The following PCDHA13 variants were observed in gnomAD, a reference collection of about 807,000 sequenced individuals.
PCDHA13 encodes protocadherin alpha 13, also known as protocadherin alpha-13.
In PCDHA13, 54 loss-of-function variants were observed where a neutral mutation model predicts 64.8. The observed-to-expected ratio is 0.83, with a 90% CI of 0.67 to 1.04. The LOEUF (loss-of-function observed/expected upper bound fraction) is 1.04, where lower values mean the gene tolerates loss of function less well. Ranked by LOEUF, PCDHA13 falls within the 50% of genes least tolerant of loss-of-function variation. PCDHA13 has a pLI of 0.00. For synonymous variants in PCDHA13, 587 were observed against 564.4 expected (o/e 1.04, Z -0.57); for missense variants, 1,248 against 1,254.3 (o/e 0.99, Z 0.08).
At chr5:140,958,367 T>C (rs1029042656) in intron 1 of PCDHA13, among the ~76,000 whole-genome samples, 2 of 152,166 alleles carry the variant, frequency 1.3e-5, no homozygotes, top group Admixed American at 6.5e-5. Context: ...TTATCAGGAA[T>C]GTTGCTATTT....
At chr5:141,003,081 T>C (rs2098110268) in intron 3 of PCDHA13, among the ~76,000 whole-genome samples, 1 of 152,238 alleles carries the variant, frequency 6.6e-6, no homozygotes, top group Admixed American at 6.5e-5. Context: ...AGGGTGAGTT[T>C]AACAGGCCTG....
rs2059578130 is a variant in PCDHA13 at position 140,883,371 on chromosome 5, T to C, written c.1103T>C (p.Ile368Thr). 1.2e-6 allele frequency: 2 copies of C among 1,614,152 alleles called. No homozygotes were observed. The highest frequency in any genetic ancestry group is 4.5e-5 in the East Asian group (2 of 44,878). ...AGAGAAGACACTCAGCCTAGCGCCA[T>C]TATTGCCCTAATCAGTGTGTCCGAT... Reference protein sequence around the residue: ...PIREDTQPSAIIALISVSDRD... With the variant: ...PIREDTQPSATIALISVSDRD... Residue 368 changes from isoleucine to threonine, a missense_variant, in exon 1 of 4, where the codon ATT (isoleucine) becomes ACT (threonine). By Grantham distance (89) the Ile-to-Thr change is moderately conservative. Coordinates refer to ENST00000289272, the MANE Select transcript of PCDHA13 (RefSeq NM_018904.3).
rs1333362831 is a variant in PCDHA13 at position 140,976,454 on chromosome 5, GGAA to G, written c.2395-2488_2395-2486del. Among the ~76,000 whole-genome samples, 4 of 152,214 alleles carry G rather than the reference GGAA, an allele frequency of 2.6e-5. No individual in the cohort carries two copies. The East Asian group carries it at 7.7e-4, about 29-fold the overall frequency. On this transcript the variant is annotated intron_variant, in intron 1 of 3. Transcript: ENST00000289272. Reference sequence around the variant, plus strand: ...TAATCCCAGCTACTAGGGAGGCTGGGGAAGAAGAATTGCTTGAATCCGGGAGGC... The same window carrying G: ...TAATCCCAGCTACTAGGGAGGCTGGGGAAGAATTGCTTGAATCCGGGAGGC...
Position 140,993,289 on chromosome 5 carries a change from C to T in PCDHA13, c.2542+10726C>T, listed in dbSNP as rs148346866. Among the ~76,000 whole-genome samples the T allele has an allele frequency of 3.6e-3, 552 of 152,140 alleles. 3 individuals are homozygous for T. The highest frequency in any genetic ancestry group is 0.01 in the Middle Eastern group (3 of 294). On this transcript the variant is annotated intron_variant, in intron 3 of 3. Coordinates refer to ENST00000289272, the MANE Select transcript of PCDHA13 (RefSeq NM_018904.3). ...TCTTTGGTCTTTTCTTGCCCAGGGTCACAACCTTGCCTCCAGGATAATACC... is the reference window on the plus strand; with the variant it reads ...TCTTTGGTCTTTTCTTGCCCAGGGTTACAACCTTGCCTCCAGGATAATACC...
At chr5:140,925,966 A>G (rs782294082) in intron 1 of PCDHA13, among the ~76,000 whole-genome samples, 2 of 149,366 alleles carry the variant, frequency 1.3e-5, no homozygotes, top group Non-Finnish European at 3.0e-5. Flanking sequence ...CTATCACGCA[A>G]AAAAAAAGCC....
intron 1 of PCDHA13, among the ~76,000 whole-genome samples, chr5:140,954,686 G>T (rs962904413): frequency 6.6e-6 from 1 of 152,024 alleles, no homozygotes; most frequent in African/African-American, 2.4e-5. Context: ...TTGTCAGATG[G>T]ATAGACTACA....
chr5:140,959,373 C>CA lies in PCDHA13; in HGVS notation c.2395-19566dup, dbSNP rs1243465116. Among the ~76,000 whole-genome samples the CA allele has an allele frequency of 8.3e-3, 1,208 of 145,190 alleles. 7 individuals carry two copies. Among genetic ancestry groups the CA allele is most frequent in the Admixed American group, 0.016 (228 of 14,544 alleles). ...GGGACAACTGAGTGAGACCCTGTCT[C>CA]AAAAAAAAAAGTCACAAATTAAGAT... On this transcript the variant is annotated intron_variant, in intron 1 of 3. Coordinates refer to ENST00000289272, the MANE Select transcript of PCDHA13 (RefSeq NM_018904.3).
intron 1 of PCDHA13, chr5:140,968,812 T>C (rs782711806): frequency 6.2e-7 from 1 of 1,614,064 alleles, no homozygotes; most frequent in Non-Finnish European, 8.5e-7. Context: ...CTGTGGTGGA[T>C]AGGGTTTCCA....
At chr5:140,986,393 C>T (rs1554248003) in intron 3 of PCDHA13, among the ~76,000 whole-genome samples, 1 of 152,148 alleles carries the variant, frequency 6.6e-6, no homozygotes, top group Non-Finnish European at 1.5e-5. Context: ...ATTAAAGGGC[C>T]AGTCGCTCAT....
chr5:140,895,515 G>A (rs2065042106), intron 1 of PCDHA13, among the ~76,000 whole-genome samples: 1 of 151,948 alleles, frequency 6.6e-6, no homozygotes, highest in Non-Finnish European at 1.5e-5. Flanking sequence ...ATTTTTAATT[G>A]GTTTATTCGT....
intron 1 of PCDHA13, among the ~76,000 whole-genome samples, chr5:140,921,929 A>C (rs2080500807): frequency 6.6e-6 from 1 of 152,126 alleles, no homozygotes; most frequent in African/African-American, 2.4e-5. Flanking sequence ...CTTATAGTCA[A>C]TATAATTTTA....
intron 1 of PCDHA13, among the ~76,000 whole-genome samples, chr5:140,975,369 T>G (rs2096664514): frequency 6.6e-6 from 1 of 152,230 alleles, no homozygotes; most frequent in Admixed American, 6.5e-5. Flanking sequence ...CATAGCATAA[T>G]GTAATCATGG....
At chr5:140,914,583 A>C (rs1583912822) in intron 1 of PCDHA13, among the ~76,000 whole-genome samples, 1 of 151,992 alleles carries the variant, frequency 6.6e-6, no homozygotes, top group East Asian at 1.9e-4. Flanking sequence ...CAATAATTTC[A>C]TTTAAGTAGG....
chr5:140,946,844 G>A (rs189496185), intron 1 of PCDHA13, among the ~76,000 whole-genome samples: 5 of 151,386 alleles, frequency 3.3e-5, no homozygotes, highest in Non-Finnish European at 5.9e-5. Context: ...CAGTAGTAAG[G>A]AGGAGAGATT....
chr5:140,914,772 C>T lies in PCDHA13; in HGVS notation c.2394+30110C>T, dbSNP rs143748722. On this transcript the variant is annotated intron_variant, in intron 1 of 3. Transcript: ENST00000289272. ...ATTTGAGGTTACATGAGGTTTATGA[C>T]TTATCTTATGACCCATTATTTTAAA... Among the ~76,000 whole-genome samples, 1,217 of 151,940 alleles carry T rather than the reference C, an allele frequency of 8.0e-3. 6 individuals are homozygous for T. The highest frequency in any genetic ancestry group is 0.019 in the African/African-American group (786 of 41,464).
Position 140,929,423 on chromosome 5 carries a change from C to T in PCDHA13, c.2394+44761C>T, listed in dbSNP as rs1435902323. 4.7e-6 allele frequency: 7 copies of T among 1,499,372 alleles called. No homozygotes were observed. In the Admixed American group the frequency reaches 7.1e-5, roughly 15 times the overall value. The allele number at this position is 1,499,372 out of a possible 1,614,324, so 92.9% of individuals were successfully genotyped here. A position where few individuals can be genotyped will look rare whatever the true frequency, so the allele number is the denominator to read the frequency against. The stretch of plus-strand genomic sequence containing the variant: ...AGACAAGCCTTTCACAACATTTCAT[C>T]AATTGAACTAAACACTCCTTCTTAG... On this transcript the variant is annotated intron_variant, in intron 1 of 3. Transcript: ENST00000289272.
At chr5:140,946,660 A>T (rs2094005518) in intron 1 of PCDHA13, among the ~76,000 whole-genome samples, 1 of 146,900 alleles carries the variant, frequency 6.8e-6, no homozygotes, top group African/African-American at 2.6e-5. Context: ...GCCATTAGAA[A>T]GAATGAAATC....
At chr5:140,918,971 T>C (rs1342049692) in intron 1 of PCDHA13, among the ~76,000 whole-genome samples, 3 of 152,234 alleles carry the variant, frequency 2.0e-5, no homozygotes, top group Admixed American at 6.5e-5. Flanking sequence ...AGATATCGTT[T>C]AGGTTAGTTG....
rs143870647 is a variant in PCDHA13, at chr5:140,882,715, A to G, written c.447A>G (p.Glu149=). The G allele has an allele frequency of 6.3e-5, 102 of 1,614,124 alleles. No individual in the cohort carries two copies. Among genetic ancestry groups the G allele is most frequent in the African/African-American group, 1.7e-4 (13 of 74,948 alleles). The part of the protein sequence containing the change: ...RIIIAESRPP[E]TRFPLDGASD... Reference sequence around the variant, plus strand: ...TCATTGCAGAATCTAGACCTCCGGAAACTCGATTTCCACTAGATGGCGCAT... The same window carrying G: ...TCATTGCAGAATCTAGACCTCCGGAGACTCGATTTCCACTAGATGGCGCAT... The change falls in exon 1 of 4, where the codon GAA becomes GAG. Residue 149 remains glutamate, a synonymous_variant. Transcript: ENST00000289272.
Sources: gnomAD v4.1 joint callset for allele counts (sites outside exome capture counted in the v4.1 genomes callset) on GRCh38, gnomAD v4.1.1 for gene constraint, MANE v1.5 for transcripts, NCBI Gene and HGNC (gene_info 2026-07-23, HGNC 2026-07-21) for gene names.